UBE2K: variants seen among roughly 807,000 people sequenced by gnomAD.
UBE2K encodes ubiquitin-conjugating enzyme E2 K.
In UBE2K, 6 loss-of-function variants were observed where a neutral mutation model predicts 30.0. The ratio of observed to expected loss-of-function variants is 0.20; its 90% CI spans 0.11 to 0.39. UBE2K has a LOEUF of 0.39. Among genes scored for constraint, UBE2K ranks in the 10% least tolerant of loss-of-function variants. The pLI is 1.00. For missense variants in UBE2K, 61 were observed against 241.6 expected (o/e 0.25, Z 4.96); for synonymous variants, 86 against 83.7 (o/e 1.03, Z -0.15).
intron 2 of UBE2K, among the ~76,000 whole-genome samples, chr4:39,738,241 A>G (rs1437971490): frequency 6.6e-6 from 1 of 152,210 alleles, no homozygotes; most frequent in Non-Finnish European, 1.5e-5. Flanking sequence ...ACATATAACA[A>G]TATATGGTAA....
chr4:39,745,583 C>T (rs998388012), intron 2 of UBE2K, among the ~76,000 whole-genome samples, 169 bp from the exon 3 acceptor site: 1 of 152,070 alleles, frequency 6.6e-6, no homozygotes, highest in Non-Finnish European at 1.5e-5. Context: ...TTTAAACAAC[C>T]TTTAAATTAA....
At chr4:39,769,213 G>GTTTTTTTTTTTTTTTTCTTTTTTTTTT (rs60471860) in intron 4 of UBE2K, among the ~76,000 whole-genome samples, 1 of 128,690 alleles carries the variant, frequency 7.8e-6, no homozygotes, top group Non-Finnish European at 1.7e-5. Flanking sequence ...GTTTCTTTTT[G>GTTTTTTTTTTTTTTTTCTTTTTTTTTT]TTTTTTTTTT....
At chr4:39,762,793 C>G (rs1171863106) in intron 4 of UBE2K, among the ~76,000 whole-genome samples, 2 of 152,222 alleles carry the variant, frequency 1.3e-5, no homozygotes, top group East Asian at 3.9e-4. Context: ...TGCTATCACG[C>G]CTGGCTAGTT....
At chr4:39,734,220 C>T (rs1439923228) in intron 1 of UBE2K, among the ~76,000 whole-genome samples, 1 of 151,618 alleles carries the variant, frequency 6.6e-6, no homozygotes, top group East Asian at 1.9e-4. Flanking sequence ...ATTCTCGTGC[C>T]TCAACCTCCC....
intron 4 of UBE2K, chr4:39,770,819 G>C (rs1263293717): frequency 1.3e-6 from 2 of 1,550,530 alleles, no homozygotes. Flanking sequence ...TGACGATGCA[G>C]ATGTCAGATA....
intron 3 of UBE2K, among the ~76,000 whole-genome samples, chr4:39,751,196 G>C (rs1412810004): frequency 6.6e-6 from 1 of 151,818 alleles, no homozygotes; most frequent in African/African-American, 2.4e-5. Flanking sequence ...ACCTGCCTTG[G>C]CTTCCCAAAC....
rs1227834116 is a variant in UBE2K, at chr4:39,757,018, G to GTTTTTTT, written c.299+1285_299+1286insTTTTTTT. On this transcript the variant is annotated intron_variant, in intron 4 of 6. Coordinates refer to ENST00000261427, the MANE Select transcript of UBE2K (RefSeq NM_005339.5). ...TTTGGGTGTTTTTTTTTTGTTTTTT[G>GTTTTTTT]TTTTTTGTTTTTTGTTTTTTTTTTG... Among the ~76,000 whole-genome samples the GTTTTTTT allele has an allele frequency of 2.9e-3, 211 of 72,058 alleles. 27 individuals carry two copies. The highest frequency in any genetic ancestry group is 6.8e-3 in the Middle Eastern group (1 of 146). The allele number at this position is 72,058 out of a possible 152,430, so 47.3% of individuals were successfully genotyped here. A position where few individuals can be genotyped will look rare whatever the true frequency, so the allele number is the denominator to read the frequency against.
At chr4:39,762,186 A>C (rs1320033869) in intron 4 of UBE2K, among the ~76,000 whole-genome samples, 2 of 146,182 alleles carry the variant, frequency 1.4e-5, no homozygotes, top group Non-Finnish European at 3.0e-5. Flanking sequence ...TCTCAGTAAA[A>C]TAATAATAAT....
At chr4:39,756,806 G>C (rs1476736076) in intron 4 of UBE2K, among the ~76,000 whole-genome samples, 2 of 152,094 alleles carry the variant, frequency 1.3e-5, no homozygotes, top group Non-Finnish European at 2.9e-5. Context: ...TCAATTAAGT[G>C]AGTGTCTATT....
intron 3 of UBE2K, among the ~76,000 whole-genome samples, chr4:39,746,823 T>C (rs1227668925): frequency 2.0e-5 from 3 of 152,232 alleles, no homozygotes; most frequent in Non-Finnish European, 4.4e-5. Flanking sequence ...CATCAAATGT[T>C]TCTCCCTCTC....
intron 4 of UBE2K, among the ~76,000 whole-genome samples, chr4:39,768,264 C>G (rs1211889077): frequency 1.5e-5 from 2 of 133,480 alleles, no homozygotes; most frequent in African/African-American, 5.9e-5. Context: ...CACGGTAAAA[C>G]CCCGTCTCTA....
At chr4:39,770,213 G>A in intron 4 of UBE2K, 2 of 1,611,422 alleles carry the variant, frequency 1.2e-6, no homozygotes, top group Non-Finnish European at 1.7e-6. Context: ...AGTAGGAGCA[G>A]CGGTAGGGCT....
chr4:39,720,509 CAGTA>C (rs1039774019), intron 1 of UBE2K, among the ~76,000 whole-genome samples: 1 of 152,010 alleles, frequency 6.6e-6, no homozygotes. Context: ...AATTATGGCT[CAGTA>C]AGGCAGTGAG....
intron 1 of UBE2K, among the ~76,000 whole-genome samples, chr4:39,708,817 T>C (rs1186613215): frequency 2.0e-5 from 3 of 151,990 alleles, no homozygotes; most frequent in Admixed American, 6.6e-5. Context: ...TTAGTCATAA[T>C]AAGTAGTTGG....
chr4:39,720,299 A>G (rs1324452760), intron 1 of UBE2K, among the ~76,000 whole-genome samples: 1 of 147,350 alleles, frequency 6.8e-6, no homozygotes, highest in African/African-American at 2.5e-5. Context: ...CAAAACTGGG[A>G]AACAAGATAG....
rs1315546144 is a variant in UBE2K, at chr4:39,782,766, A to T, written c.*4332A>T. The T allele has an allele frequency of 1.3e-5, 2 of 152,218 alleles. No individual in the cohort carries two copies. The highest frequency in any genetic ancestry group is 2.9e-5 in the Non-Finnish European group (2 of 68,032). 9.4% of individuals were successfully genotyped at this position (152,218 alleles called of 1,614,324 possible). On this transcript the variant is annotated 3_prime_UTR_variant, in exon 7 of 7. Transcript: ENST00000261427. ...CCCCTTATTGGGAATTCTTAAAAAT[A>T]AATGCATGCATGTTTTCCCCTGAAA...
chr4:39,757,118 C>T (rs1285359124), intron 4 of UBE2K, among the ~76,000 whole-genome samples: 5 of 150,634 alleles, frequency 3.3e-5, no homozygotes, highest in East Asian at 3.9e-4. Flanking sequence ...CTCTGCCTAC[C>T]GGGTTCAAGC....
At chr4:39,776,266 T>C (rs564373476) in intron 5 of UBE2K, among the ~76,000 whole-genome samples, 1 of 152,342 alleles carries the variant, frequency 6.6e-6, no homozygotes, top group South Asian at 2.1e-4. Context: ...CCTGTATCAT[T>C]CTGTCACTAT....
chr4:39,779,042 A>ACCCCCCCCCCCCCCCCCCTTCCCC lies in UBE2K; in HGVS notation c.*616_*617insCCCCCCCCCCTTCCCCCCCCCCCC, dbSNP rs3839130. The ACCCCCCCCCCCCCCCCCCTTCCCC allele has an allele frequency of 1.6e-5, 2 of 128,224 alleles. No homozygotes were observed. Among genetic ancestry groups the ACCCCCCCCCCCCCCCCCCTTCCCC allele is most frequent in the Non-Finnish European group, 3.2e-5 (2 of 62,680 alleles). The allele number at this position is 128,224 out of a possible 1,614,324, so 7.9% of individuals were successfully genotyped here. ...TGGGACAGTGTCTGATTCCCCCTTC[A>ACCCCCCCCCCCCCCCCCCTTCCCC]CCCCCCCCACCCCCGCCTTGCCACA... On this transcript the variant is annotated 3_prime_UTR_variant, in exon 7 of 7. Transcript: ENST00000261427.
Sources: gnomAD v4.1 joint callset for allele counts (sites outside exome capture counted in the v4.1 genomes callset) on GRCh38, gnomAD v4.1.1 for gene constraint, MANE v1.5 for transcripts, NCBI Gene and HGNC (gene_info 2026-07-23, HGNC 2026-07-21) for gene names.